Variants in GPR35 observed in about 807,000 individuals in gnomAD.
GPR35 encodes the protein KYNA receptor.
For missense variants in GPR35, 372 were observed against 422.5 expected (o/e 0.88, Z 1.05); for synonymous variants, 207 against 198.4 (o/e 1.04, Z -0.36).
intron 1 of GPR35, chr2:240,629,635 A>G: frequency 3.6e-6 from 1 of 280,998 alleles, no homozygotes. Flanking sequence ...TCTGGAGGGT[A>G]GGGCTTGCTG....
chr2:240,617,107 A>G (rs1220923279), exon 4 of GPR35: 50 of 674,838 alleles, frequency 7.4e-5, no homozygotes, highest in Non-Finnish European at 5.9e-5. Context: ...GGGGAGCTGG[A>G]AGTGAATCTC....
upstream of GPR35, among the ~76,000 whole-genome samples, chr2:240,620,501 C>T (rs536415660): frequency 9.9e-5 from 15 of 152,154 alleles, no homozygotes; most frequent in Middle Eastern, 6.8e-3. Flanking sequence ...GCCCTGGGTG[C>T]GACTTGCAGC....
In GPR35 at chr2:240,615,003, T is replaced by A. The variant is rs2043225359; in HGVS notation, c.-576-1385T>A. ...ATGTGTGTTTATATGCGAGTGTGCA[T>A]GTGTGTATGCAGTGCTTGTGTGATG... On this transcript the variant is annotated intron_variant, in intron 2 of 5. Coordinates refer to the GPR35 transcript ENST00000319838. Among the ~76,000 whole-genome samples the A allele has an allele frequency of 3.9e-5, 6 of 152,276 alleles. No individual in the cohort carries two copies. In the South Asian group the frequency reaches 1.2e-3, roughly 32 times the overall value.
At chr2:240,627,026 C>T (rs1347986634) in intron 1 of GPR35, among the ~76,000 whole-genome samples, 1 of 152,186 alleles carries the variant, frequency 6.6e-6, no homozygotes, top group East Asian at 1.9e-4. Context: ...GCCTCAGAGG[C>T]GTGCTGCTGG....
chr2:240,620,383 C>T (rs776634515), intron 5 of GPR35, among the ~76,000 whole-genome samples: 37 of 152,260 alleles, frequency 2.4e-4, no homozygotes, highest in African/African-American at 1.7e-4. Context: ...GGCGTGGAGA[C>T]GGCCCCTGAG....
At chr2:240,627,379 G>C (rs12477897) in intron 1 of GPR35, 1 of 152,180 alleles carries the variant, frequency 6.6e-6, no homozygotes, top group Non-Finnish European at 1.5e-5. Flanking sequence ...CGTGCACCTC[G>C]AAACTCTTGC....
chr2:240,630,349 G>T lies in GPR35; in HGVS notation c.397G>T (p.Ala133Ser). 6.2e-7 allele frequency: 1 copy of T among 1,602,858 alleles called. No individual in the cohort carries two copies. The change falls in exon 2 of 2, where the codon GCT (alanine) becomes TCT (serine). Residue 133 changes from alanine to serine, a missense_variant. Transcript: ENST00000407714. ...CCGCGGGCTGCGGTCCCCCAGGCAG[G>T]CTGCGGCCGTGTGCGCGGTCCTCTG... is the stretch of plus-strand genomic sequence containing the variant. The part of the protein sequence containing the change: ...RARGLRSPRQ[A>S]AAVCAVLWVL...
At chr2:240,620,513 C>T (rs1206672545), upstream of GPR35, among the ~76,000 whole-genome samples, 1 of 152,074 alleles carries the variant, frequency 6.6e-6, no homozygotes, top group African/African-American at 2.4e-5. Context: ...ACTTGCAGCC[C>T]CTCAGACCCT....
At chr2:240,612,645 C>G (rs1206094831) in intron 2 of GPR35, among the ~76,000 whole-genome samples, 1 of 152,184 alleles carries the variant, frequency 6.6e-6, no homozygotes, top group Non-Finnish European at 1.5e-5. Context: ...GAAATGGACT[C>G]TGTGAGTGGG....
chr2:240,621,314 G>C (rs2043290623), upstream of GPR35, among the ~76,000 whole-genome samples: 1 of 152,154 alleles, frequency 6.6e-6, no homozygotes, highest in African/African-American at 2.4e-5. Context: ...GAGTGCAGTG[G>C]CGTGATCTCG....
At chr2:240,627,249 A>G (rs1426800250) in intron 1 of GPR35, among the ~76,000 whole-genome samples, 1 of 152,154 alleles carries the variant, frequency 6.6e-6, no homozygotes, top group Non-Finnish European at 1.5e-5. Context: ...TGGCCATGTT[A>G]GCTCCCAGGG....
At position 240,632,192 on chromosome 2, in the gene GPR35, G is replaced by A. The variant is rs959455938; in HGVS notation, c.*1310G>A. On this transcript the variant is annotated 3_prime_UTR_variant, in exon 2 of 2. Transcript: ENST00000407714. ...ACGCAAGGGTGTCCATGCCTGGTTG[G>A]GGGGGGTCTATGTCCAGGAGGGTCC... Among the ~76,000 whole-genome samples the A allele has an allele frequency of 1.3e-5, 2 of 151,830 alleles. No individual in the cohort carries two copies. The highest frequency in any genetic ancestry group is 2.4e-5 in the African/African-American group (1 of 41,312).
At chr2:240,613,709 G>C (rs1050126786) in intron 2 of GPR35, among the ~76,000 whole-genome samples, 2 of 148,776 alleles carry the variant, frequency 1.3e-5, no homozygotes, top group Non-Finnish European at 3.0e-5. Flanking sequence ...ACCCTATTCC[G>C]AACCTTAAAG....
At position 240,612,267 on chromosome 2, in the gene GPR35, A is replaced by T. The variant is rs1159488605; in HGVS notation, c.-576-4121A>T. On this transcript the variant is annotated intron_variant, in intron 2 of 5. Transcript: ENST00000319838. ...AGCACAGTGAAACCCCGTCTCTACT[A>T]AAAAAAAAAATTAGCCGGGTGTGGT... Among the ~76,000 whole-genome samples the T allele has an allele frequency of 3.4e-4, 49 of 145,804 alleles. 1 individual carries two copies. Among genetic ancestry groups the T allele is most frequent in the African/African-American group, 1.1e-3 (46 of 40,064 alleles).
chr2:240,610,201 G>T (rs892627558), intron 2 of GPR35, among the ~76,000 whole-genome samples: 1 of 152,056 alleles, frequency 6.6e-6, no homozygotes, highest in Non-Finnish European at 1.5e-5. Flanking sequence ...CTTGTGGTCT[G>T]CCCACCTCAG....
At chr2:240,616,263 C>T (rs992369874) in intron 2 of GPR35, 20 of 632,500 alleles carry the variant, frequency 3.2e-5, no homozygotes, top group East Asian at 1.1e-4. Flanking sequence ...CCATTGGGCT[C>T]GTGGTCCCAA....
upstream of GPR35, among the ~76,000 whole-genome samples, chr2:240,621,090 C>T (rs2043288163): frequency 6.6e-6 from 1 of 152,182 alleles, no homozygotes; most frequent in East Asian, 1.9e-4. Context: ...TACTCACATC[C>T]TCTCTCGGGG....
chr2:240,616,741 T>TAAAAAAAA (rs767683322), intron 3 of GPR35, among the ~76,000 whole-genome samples: 1 of 99,942 alleles, frequency 1.0e-5, no homozygotes, highest in Admixed American at 1.1e-4. Context: ...AACAATACAG[T>TAAAAAAAA]AAAAAAAAAA....
intron 1 of GPR35, chr2:240,627,949 G>A (rs995528761): frequency 6.6e-6 from 1 of 152,174 alleles, no homozygotes; most frequent in Non-Finnish European, 1.5e-5. Context: ...CCTCCCACGA[G>A]GCAGGGTCCC....
Sources: gnomAD v4.1 joint callset for allele counts (sites outside exome capture counted in the v4.1 genomes callset) on GRCh38, gnomAD v4.1.1 for gene constraint, MANE v1.5 for transcripts, NCBI Gene and HGNC (gene_info 2026-07-23, HGNC 2026-07-21) for gene names.